DOK6: variants seen among roughly 807,000 people sequenced by gnomAD.
The protein encoded by DOK6 is downstream of tyrosine kinase 6.
In DOK6, 22 loss-of-function variants were observed where a neutral mutation model predicts 44.0. The ratio of observed to expected loss-of-function variants is 0.50; its 90% CI spans 0.36 to 0.71. DOK6 has a LOEUF of 0.71. DOK6 is among the 30% of genes least tolerant of loss of function. DOK6 has a pLI of 0.00. For missense variants in DOK6, 340 were observed against 416.4 expected (o/e 0.82, Z 1.60); for synonymous variants, 166 against 145.5 (o/e 1.14, Z -1.01).
chr18:69,789,955 G>A (rs911313737), intron 7 of DOK6, among the ~76,000 whole-genome samples: 2 of 152,054 alleles, frequency 1.3e-5, no homozygotes, highest in African/African-American at 4.8e-5. Flanking sequence ...AGACACTTTT[G>A]ATCCCCTATG....
chr18:69,517,694 A>G (rs1179685505), intron 1 of DOK6, among the ~76,000 whole-genome samples: 2 of 149,938 alleles, frequency 1.3e-5, no homozygotes, highest in Non-Finnish European at 3.0e-5. Flanking sequence ...TGAATTGTAT[A>G]CAATCTGTAT....
chr18:69,672,651 C>T (rs185313055), intron 3 of DOK6, among the ~76,000 whole-genome samples: 4 of 146,762 alleles, frequency 2.7e-5, no homozygotes, highest in Admixed American at 7.1e-5. Context: ...AGCCACTGCG[C>T]CCGGCAGTGT....
chr18:69,595,386 T>C (rs1044914810), intron 2 of DOK6, among the ~76,000 whole-genome samples: 1 of 152,232 alleles, frequency 6.6e-6, no homozygotes, highest in Non-Finnish European at 1.5e-5. Flanking sequence ...CATTAATTGT[T>C]GGTCTTTCTT....
Position 69,841,408 on chromosome 18 carries a change from G to A in DOK6, c.*25G>A. 2 of 1,613,974 alleles carry A rather than the reference G, an allele frequency of 1.2e-6. No individual in the cohort carries two copies. Among genetic ancestry groups the A allele is most frequent in the Non-Finnish European group, 1.7e-6 (2 of 1,179,966 alleles). On this transcript the variant is annotated 3_prime_UTR_variant, in exon 8 of 8. Transcript: ENST00000382713. ...ACACACAGAGAGCCGCTGTTGACTAGAGAGACAGTCTGTCCTGGACCCGTC... is the reference window on the plus strand; with the variant it reads ...ACACACAGAGAGCCGCTGTTGACTAAAGAGACAGTCTGTCCTGGACCCGTC...
intron 1 of DOK6, among the ~76,000 whole-genome samples, chr18:69,542,316 C>T (rs1032763251): frequency 4.0e-5 from 6 of 151,398 alleles, no homozygotes; most frequent in African/African-American, 1.5e-4. Flanking sequence ...ATGATATTGC[C>T]TGCCTTGATG....
chr18:69,618,075 A>G (rs570842729), intron 3 of DOK6, among the ~76,000 whole-genome samples: 2 of 152,300 alleles, frequency 1.3e-5, no homozygotes, highest in South Asian at 2.1e-4. Flanking sequence ...GGCAGCTACA[A>G]CCAAGGAATG....
At chr18:69,434,607 GGTGAAACC>G (rs1978897058) in intron 1 of DOK6, among the ~76,000 whole-genome samples, 1 of 116,284 alleles carries the variant, frequency 8.6e-6, no homozygotes, top group Non-Finnish European at 1.7e-5. Context: ...TGGCCGACAT[GGTGAAACC>G]CTGTTTCTAC....
intron 3 of DOK6, among the ~76,000 whole-genome samples, chr18:69,610,641 T>C (rs1248879552): frequency 6.6e-6 from 1 of 152,112 alleles, no homozygotes; most frequent in African/African-American, 2.4e-5. Context: ...GGACACTGCA[T>C]CTGTGGAGTC....
At chr18:69,443,682 T>A (rs1277567410) in intron 1 of DOK6, among the ~76,000 whole-genome samples, 1 of 152,184 alleles carries the variant, frequency 6.6e-6, no homozygotes, top group African/African-American at 2.4e-5. Context: ...CATTTTCTTG[T>A]GTTACTTTCT....
At chr18:69,436,182 T>TTG (rs1978973305) in intron 1 of DOK6, among the ~76,000 whole-genome samples, 2 of 151,966 alleles carry the variant, frequency 1.3e-5, no homozygotes, top group Admixed American at 1.3e-4. Flanking sequence ...TTTTTTTTTT[T>TTG]TTTTACTTTA....
At chr18:69,563,886 C>A (rs1191010116) in intron 1 of DOK6, among the ~76,000 whole-genome samples, 1 of 151,814 alleles carries the variant, frequency 6.6e-6, no homozygotes, top group East Asian at 1.9e-4. Context: ...GCCTATTTTA[C>A]ATTAATCTCA....
intron 3 of DOK6, among the ~76,000 whole-genome samples, chr18:69,650,122 T>C (rs1985184695): frequency 6.6e-6 from 1 of 152,166 alleles, no homozygotes; most frequent in African/African-American, 2.4e-5. Flanking sequence ...CTATTGTTCT[T>C]AGGCCAGTAT....
intron 2 of DOK6, among the ~76,000 whole-genome samples, chr18:69,595,027 T>C (rs1157866699): frequency 6.6e-6 from 1 of 151,894 alleles, no homozygotes; most frequent in African/African-American, 2.4e-5. Flanking sequence ...AAAAATAAAA[T>C]AAAATATCTA....
At chr18:69,762,051 A>G (rs1979574378) in intron 7 of DOK6, among the ~76,000 whole-genome samples, 1 of 152,180 alleles carries the variant, frequency 6.6e-6, no homozygotes, top group East Asian at 1.9e-4. Flanking sequence ...GGAAAGTTCA[A>G]CTTGGAAGAG....
chr18:69,769,980 GGAA>G (rs1390957836), intron 7 of DOK6, among the ~76,000 whole-genome samples: 6 of 152,078 alleles, frequency 3.9e-5, no homozygotes, highest in Non-Finnish European at 5.9e-5. Flanking sequence ...AATTTTTGTA[GGAA>G]GAAGAAGGGT....
chr18:69,401,562 G>C (rs1368404814), intron 1 of DOK6, among the ~76,000 whole-genome samples: 1 of 152,120 alleles, frequency 6.6e-6, no homozygotes, highest in Non-Finnish European at 1.5e-5. Context: ...TCGACCGTGC[G>C]GGGAAGTCAG....
chr18:69,669,448 G>T (rs539420239), intron 3 of DOK6, among the ~76,000 whole-genome samples: 1 of 152,258 alleles, frequency 6.6e-6, no homozygotes, highest in South Asian at 2.1e-4. Context: ...CTTTTTTATG[G>T]CTGCGCAGTA....
intron 1 of DOK6, among the ~76,000 whole-genome samples, chr18:69,456,099 C>T (rs968935362): frequency 6.6e-6 from 1 of 152,100 alleles, no homozygotes; most frequent in Non-Finnish European, 1.5e-5. Context: ...AGTCAAGAAC[C>T]GTATCTACTA....
intron 4 of DOK6, among the ~76,000 whole-genome samples, chr18:69,695,186 G>T (rs576902432): frequency 6.6e-6 from 1 of 152,184 alleles, no homozygotes; most frequent in African/African-American, 2.4e-5. Flanking sequence ...AGTGTGGTCC[G>T]CAGAGAAGCA....
Sources: gnomAD v4.1 joint callset for allele counts (sites outside exome capture counted in the v4.1 genomes callset) on GRCh38, gnomAD v4.1.1 for gene constraint, MANE v1.5 for transcripts, NCBI Gene and HGNC (gene_info 2026-07-23, HGNC 2026-07-21) for gene names.